The following COL26A1 variants were observed in gnomAD, a reference collection of about 807,000 sequenced individuals.
COL26A1 encodes collagen type XXVI alpha 1 chain.
In COL26A1, 41 loss-of-function variants were observed where a neutral mutation model predicts 59.3. The observed-to-expected ratio is 0.69, with a 90% CI of 0.54 to 0.90. COL26A1 has a LOEUF of 0.90. COL26A1 is among the 40% of genes least tolerant of loss of function. COL26A1 has a pLI of 0.00. For missense variants in COL26A1, 612 were observed against 602.3 expected (o/e 1.02, Z -0.17); for synonymous variants, 266 against 256.0 (o/e 1.04, Z -0.37).
rs191450312 is a variant in COL26A1 at position 101,437,130 on chromosome 7, G to A, written c.282-10554G>A. On this transcript the variant is annotated intron_variant, in intron 2 of 12. Coordinates refer to ENST00000313669, the MANE Select transcript of COL26A1 (RefSeq NM_001278563.3). ...AGGCGGTGTAGCCAGTGGCTCCGTG[G>A]AGAAGGATGTCAGACAAATAATTAC... Among the ~76,000 whole-genome samples, 50 of 152,306 alleles carry A rather than the reference G, an allele frequency of 3.3e-4. No homozygotes were observed. The East Asian group carries it at 9.5e-3, about 29-fold the overall frequency.
At chr7:101,368,438 C>T (rs1436352259) in intron 1 of COL26A1, among the ~76,000 whole-genome samples, 2 of 152,182 alleles carry the variant, frequency 1.3e-5, no homozygotes, top group East Asian at 3.8e-4. Context: ...ATTGATGTGG[C>T]AGTGTACAGC....
At chr7:101,538,207 T>G (rs1223645514) in intron 4 of COL26A1, among the ~76,000 whole-genome samples, 1 of 152,162 alleles carries the variant, frequency 6.6e-6, no homozygotes, top group Non-Finnish European at 1.5e-5. Context: ...GCCCGTCAGC[T>G]TCTTCAGGGG....
At chr7:101,404,327 G>A (rs1040692111) in intron 1 of COL26A1, among the ~76,000 whole-genome samples, 3 of 152,048 alleles carry the variant, frequency 2.0e-5, no homozygotes, top group Non-Finnish European at 4.4e-5. Flanking sequence ...TTTTTACAAC[G>A]CATCTGAAAG....
At chr7:101,364,342 A>T (rs1790989889) in intron 1 of COL26A1, among the ~76,000 whole-genome samples, 1 of 150,254 alleles carries the variant, frequency 6.7e-6, no homozygotes, top group South Asian at 2.1e-4. Context: ...TTATATTTTA[A>T]TTTTTTTTTT....
chr7:101,401,464 G>A (rs1051022433), intron 1 of COL26A1, among the ~76,000 whole-genome samples: 14 of 151,462 alleles, frequency 9.2e-5, no homozygotes, highest in Non-Finnish European at 1.9e-4. Flanking sequence ...AGAAGGAAGA[G>A]GAGAAGGAGG....
chr7:101,371,869 G>C (rs912521039), intron 1 of COL26A1, among the ~76,000 whole-genome samples: 3 of 152,268 alleles, frequency 2.0e-5, no homozygotes, highest in Non-Finnish European at 4.4e-5. Context: ...AGATCCATGA[G>C]CAAGAGTGGA....
At chr7:101,378,488 C>T (rs1791370132) in intron 1 of COL26A1, among the ~76,000 whole-genome samples, 1 of 152,114 alleles carries the variant, frequency 6.6e-6, no homozygotes, top group African/African-American at 2.4e-5. Context: ...TGCCGTTGCA[C>T]TCCAGTTTGG....
chr7:101,513,413 G>A (rs1794966954), intron 3 of COL26A1, among the ~76,000 whole-genome samples: 1 of 152,152 alleles, frequency 6.6e-6, no homozygotes, highest in African/African-American at 2.4e-5. Context: ...TGCAACCTCT[G>A]CCTCCTGTGT....
chr7:101,502,000 G>A (rs181932655), intron 3 of COL26A1, among the ~76,000 whole-genome samples: 1 of 152,120 alleles, frequency 6.6e-6, no homozygotes. Context: ...TCCAGGAAGC[G>A]TTCCCTGGTC....
intron 2 of COL26A1, among the ~76,000 whole-genome samples, chr7:101,440,061 C>T (rs1793015091): frequency 6.6e-6 from 1 of 152,104 alleles, no homozygotes. Context: ...TAAACTGGAT[C>T]TGCATTTTAG....
At chr7:101,405,960 A>G (rs1294060218) in intron 1 of COL26A1, among the ~76,000 whole-genome samples, 1 of 152,138 alleles carries the variant, frequency 6.6e-6, no homozygotes, top group African/African-American at 2.4e-5. Context: ...ATAAATGCAG[A>G]TAACGAGGAG....
chr7:101,422,894 G>A (rs1371167644), intron 2 of COL26A1, among the ~76,000 whole-genome samples: 4 of 152,182 alleles, frequency 2.6e-5, no homozygotes, highest in Non-Finnish European at 5.9e-5. Flanking sequence ...TCCTGCCTCA[G>A]CCTCTCAAAT....
chr7:101,485,864 T>C (rs1794257250), intron 3 of COL26A1, among the ~76,000 whole-genome samples: 1 of 151,920 alleles, frequency 6.6e-6, no homozygotes, highest in South Asian at 2.1e-4. Flanking sequence ...CTGATAGTGG[T>C]GTGGGGTGTA....
intron 2 of COL26A1, among the ~76,000 whole-genome samples, chr7:101,443,067 G>A (rs1793100978): frequency 6.6e-6 from 1 of 152,178 alleles, no homozygotes; most frequent in Non-Finnish European, 1.5e-5. Context: ...GTGCATGTAT[G>A]TGAGTGTGTG....
intron 11 of COL26A1, 53 bp from the exon 12 acceptor site, chr7:101,555,734 C>T: frequency 2.1e-6 from 3 of 1,415,216 alleles, no homozygotes; most frequent in Non-Finnish European, 9.8e-7. Context: ...TCAGGATGGC[C>T]CTGACCCCTT....
chr7:101,512,803 T>A lies in COL26A1; in HGVS notation c.386-20279T>A, dbSNP rs78656376. 2.1e-3 allele frequency among the ~76,000 whole-genome samples: 314 copies of A among 147,390 alleles called. 4 individuals carry two copies. The East Asian group carries it at 0.031, about 15-fold the overall frequency. On this transcript the variant is annotated intron_variant, in intron 3 of 12. Transcript: ENST00000313669. The stretch of plus-strand genomic sequence containing the variant: ...CCTTACCATGTAGTTCTTCAGAAAA[T>A]CTGTTTATGTAATCCACCTCATTCA...
At chr7:101,372,979 A>C (rs1356626849) in intron 1 of COL26A1, among the ~76,000 whole-genome samples, 1 of 152,182 alleles carries the variant, frequency 6.6e-6, no homozygotes, top group African/African-American at 2.4e-5. Flanking sequence ...AGGGTGACAG[A>C]GCAAGAGCAG....
chr7:101,516,665 G>A lies in COL26A1; in HGVS notation c.386-16417G>A, dbSNP rs549476606. 3.3e-5 allele frequency among the ~76,000 whole-genome samples: 5 copies of A among 152,256 alleles called. No individual in the cohort carries two copies. The South Asian group carries it at 8.3e-4, about 25-fold the overall frequency. On this transcript the variant is annotated intron_variant, in intron 3 of 12. Transcript: ENST00000313669. ...TTCTCTAACCAGTTCAGGGGCCCAG[G>A]AGACGGCTTTGATCATTCGTGTCTT...
At chr7:101,456,600 G>T (rs1289516978) in intron 3 of COL26A1, among the ~76,000 whole-genome samples, 20 of 150,912 alleles carry the variant, frequency 1.3e-4, no homozygotes, top group Non-Finnish European at 2.8e-4. Context: ...GGAGGCAGAG[G>T]TTATGGTGAG....
Sources: gnomAD v4.1 joint callset for allele counts (sites outside exome capture counted in the v4.1 genomes callset) on GRCh38, gnomAD v4.1.1 for gene constraint, MANE v1.5 for transcripts, NCBI Gene and HGNC (gene_info 2026-07-23, HGNC 2026-07-21) for gene names.